The following OPCML variants were observed in gnomAD, a reference collection of about 807,000 sequenced individuals.
The protein encoded by OPCML is opioid binding protein/cell adhesion molecule like, also known as opioid-binding protein/cell adhesion molecule.
OPCML carries 13 observed loss-of-function variants against 37.8 expected under a neutral mutation model. The ratio of observed to expected loss-of-function variants is 0.34; its 90% confidence interval spans 0.22 to 0.55. The LOEUF is 0.55. OPCML is among the 20% of genes least tolerant of loss of function. OPCML has a pLI of 0.91. For synonymous variants in OPCML, 176 were observed against 168.8 expected, an observed-to-expected ratio of 1.04 and a Z score of -0.33; for missense variants, 341 against 435.6, an observed-to-expected ratio of 0.78 and a Z score of 1.93.
At chr11:132,744,953 G>C (rs548552385) in intron 2 of OPCML, among the ~76,000 whole-genome samples, 2 of 151,932 alleles carry the variant, frequency 1.3e-5, no homozygotes, top group South Asian at 4.2e-4. Context: ...CATCAAGGAA[G>C]TGAACGAGCT....
At chr11:132,464,426 C>T (rs909138536) in intron 4 of OPCML, among the ~76,000 whole-genome samples, 1 of 152,196 alleles carries the variant, frequency 6.6e-6, no homozygotes, top group South Asian at 2.1e-4. Flanking sequence ...TCCAGCCTGG[C>T]CACTAGAATG....
In OPCML at chr11:132,656,625, A is replaced by G. The variant is rs950587956; in HGVS notation, c.379+462T>C. ...AATGCCAGGGAGGACCTGCCTAAAC[A>G]GCACTCAGAGACCCCTCCAGAGCAT... On this transcript the variant is annotated intron_variant, in intron 3 of 7. Transcript: ENST00000524381. Among the ~76,000 whole-genome samples the G allele has an allele frequency of 2.0e-5, 3 of 152,196 alleles. No homozygotes were observed. The South Asian group carries it at 6.2e-4, about 31-fold the overall frequency.
chr11:133,429,124 A>C (rs930128020), intron 1 of OPCML, among the ~76,000 whole-genome samples: 3 of 152,204 alleles, frequency 2.0e-5, no homozygotes, highest in African/African-American at 7.2e-5. Context: ...ATAGGATAAT[A>C]AGGAAGCCCT....
At chr11:132,528,836 CA>C (rs1436184200) in intron 4 of OPCML, among the ~76,000 whole-genome samples, 2 of 152,156 alleles carry the variant, frequency 1.3e-5, no homozygotes, top group African/African-American at 2.4e-5. Flanking sequence ...GTTTGGAAAA[CA>C]AAAGCCATCT....
At chr11:133,385,293 G>A (rs1017095141) in intron 1 of OPCML, among the ~76,000 whole-genome samples, 4 of 152,282 alleles carry the variant, frequency 2.6e-5, no homozygotes, top group East Asian at 1.9e-4. Context: ...ACTCTGACCC[G>A]AAAACACTCA....
intron 2 of OPCML, among the ~76,000 whole-genome samples, chr11:132,814,436 A>G (rs1939517336): frequency 6.6e-6 from 1 of 152,230 alleles, no homozygotes; most frequent in African/African-American, 2.4e-5. Context: ...TGTAAATCCC[A>G]GCCCAAGGGC....
intron 1 of OPCML, among the ~76,000 whole-genome samples, chr11:133,470,335 A>T (rs1396663988): frequency 6.6e-6 from 1 of 152,210 alleles, no homozygotes; most frequent in Admixed American, 6.5e-5. Context: ...TGCACTAATG[A>T]GTCTATTAGA....
chr11:132,883,159 T>C (rs1943279155), intron 2 of OPCML, among the ~76,000 whole-genome samples: 1 of 151,970 alleles, frequency 6.6e-6, no homozygotes. Flanking sequence ...ATACGCCTCA[T>C]GCAACACGTG....
At chr11:133,141,015 C>CGAA (rs1217105956) in intron 1 of OPCML, among the ~76,000 whole-genome samples, 1 of 7,660 alleles carries the variant, frequency 1.3e-4, no homozygotes, top group African/African-American at 3.0e-4. Context: ...ACGACGACGA[C>CGAA]GACGACGACG....
chr11:133,313,952 C>A lies in OPCML; in HGVS notation c.61+218312G>T, dbSNP rs543076782. Among the ~76,000 whole-genome samples, 225 of 152,264 alleles carry A rather than the reference C, an allele frequency of 1.5e-3. 5 individuals carry two copies. The highest frequency in any genetic ancestry group is 0.01 in the Middle Eastern group (3 of 294). ...TTTATTTGCTATAAGAATACGATTT[C>A]AGGCTGGGCGCAGTGGCTCACGCCT... is the stretch of plus-strand genomic sequence containing the variant. On this transcript the variant is annotated intron_variant, in intron 1 of 7. Coordinates refer to ENST00000524381, the MANE Select transcript of OPCML (RefSeq NM_001012393.5).
At chr11:132,866,559 A>T (rs1278788650) in intron 2 of OPCML, among the ~76,000 whole-genome samples, 2 of 152,250 alleles carry the variant, frequency 1.3e-5, no homozygotes, top group African/African-American at 4.8e-5. Context: ...GACAAGGAAC[A>T]ATCGTGGATT....
chr11:133,118,276 T>C (rs903553822), intron 1 of OPCML: 2 of 985,430 alleles, frequency 2.0e-6, no homozygotes, highest in African/African-American at 1.7e-5. Context: ...TCACATCATA[T>C]GAGCTGTAGG....
chr11:132,954,889 A>G (rs1398741927), intron 1 of OPCML, among the ~76,000 whole-genome samples: 1 of 152,190 alleles, frequency 6.6e-6, no homozygotes, highest in Non-Finnish European at 1.5e-5. Context: ...ATCGGTGCCC[A>G]CACAGAAATC....
intron 1 of OPCML, among the ~76,000 whole-genome samples, chr11:133,460,195 C>T (rs938591805): frequency 6.6e-6 from 1 of 151,644 alleles, no homozygotes; most frequent in Non-Finnish European, 1.5e-5. Context: ...CCTGTCATAC[C>T]AAAACTTATG....
At chr11:133,115,186 C>T (rs73590541) in intron 1 of OPCML, among the ~76,000 whole-genome samples, 5,651 of 152,270 alleles carry the variant, frequency 0.037, 362 homozygotes, top group African/African-American at 0.13. Flanking sequence ...AGCAAAGCTA[C>T]CTGCATCCTG....
intron 1 of OPCML, among the ~76,000 whole-genome samples, chr11:133,057,831 A>T (rs1948268373): frequency 6.6e-6 from 1 of 152,198 alleles, no homozygotes; most frequent in Admixed American, 6.5e-5. Context: ...GGGGCACCAG[A>T]CAAAAATGTG....
At chr11:133,467,627 C>T (rs1199162099) in intron 1 of OPCML, among the ~76,000 whole-genome samples, 1 of 152,154 alleles carries the variant, frequency 6.6e-6, no homozygotes, top group Non-Finnish European at 1.5e-5. Flanking sequence ...ATGGCAGGTT[C>T]TTCAGATGGC....
chr11:133,299,374 G>C (rs999528430), intron 1 of OPCML: 1 of 152,230 alleles, frequency 6.6e-6, no homozygotes, highest in African/African-American at 2.4e-5. Flanking sequence ...AAGTTGCTGG[G>C]GTTGAAGCTC....
rs1939048182 is a variant in OPCML at position 133,206,041 on chromosome 11, T to A, written c.62-263031A>T. Among the ~76,000 whole-genome samples the A allele has an allele frequency of 6.6e-6, 1 of 152,222 alleles. No individual in the cohort carries two copies. The highest frequency in any genetic ancestry group is 6.5e-5 in the Admixed American group (1 of 15,282). ...TGAGGAATACAAGAGCTAATGTACA[T>A]ACATGATGTAGTACCATGTCTAGTG... On this transcript the variant is annotated intron_variant, in intron 1 of 7. Transcript: ENST00000524381. This position sits in a 1 kb window ranked among gnomAD's most constrained non-coding sequence, Gnocchi z 4.7.
Sources: allele counts gnomAD v4.1 joint callset (sites outside exome capture counted in the v4.1 genomes callset), GRCh38; gene constraint gnomAD v4.1.1; non-coding constraint Gnocchi (gnomAD v3.1); transcripts MANE v1.5; gene names NCBI Gene and HGNC (gene_info 2026-07-23, HGNC 2026-07-21).